Variants in TENM4 observed in about 807,000 individuals in gnomAD.
The protein encoded by TENM4 is teneurin-4.
TENM4 carries 82 observed loss-of-function variants against 243.3 expected under a neutral mutation model. That is an observed-to-expected ratio of 0.34 (90% CI 0.28 to 0.40). The LOEUF (loss-of-function observed/expected upper bound fraction) is 0.40, where lower values mean the gene tolerates loss of function less well. TENM4 is among the 10% of genes least tolerant of loss of function. The pLI, the probability that TENM4 is intolerant of heterozygous loss-of-function variation, is 1.00. For missense variants in TENM4, 3,138 were observed against 3,673.3 expected (o/e 0.85, Z 3.77); for synonymous variants, 1,412 against 1,456.3 (o/e 0.97, Z 0.69).
intron 1 of TENM4, among the ~76,000 whole-genome samples, chr11:79,336,838 C>A (rs1431079344): frequency 6.6e-6 from 1 of 152,196 alleles, no homozygotes; most frequent in African/African-American, 2.4e-5. Flanking sequence ...CCCAGGAGGC[C>A]CCCAGTTGCT....
At chr11:79,263,270 G>A (rs954272966) in intron 2 of TENM4, among the ~76,000 whole-genome samples, 1 of 152,214 alleles carries the variant, frequency 6.6e-6, no homozygotes, top group Non-Finnish European at 1.5e-5. Context: ...CAGAGACTTT[G>A]CTGGGCTGAG....
At chr11:78,659,795 G>T (rs761505553) in intron 33 of TENM4, among the ~76,000 whole-genome samples, 1 of 152,178 alleles carries the variant, frequency 6.6e-6, no homozygotes, top group Non-Finnish European at 1.5e-5. Flanking sequence ...TCATCTACCT[G>T]TCCCTTCTGT....
At chr11:79,437,372 C>G (rs923645299) in intron 1 of TENM4, among the ~76,000 whole-genome samples, 1 of 152,226 alleles carries the variant, frequency 6.6e-6, no homozygotes, top group Non-Finnish European at 1.5e-5. Context: ...GCGCCCGGAG[C>G]GCGCTGTGAG....
At position 79,238,549 on chromosome 11, in the gene TENM4, A is replaced by G. The variant is rs370858508; in HGVS notation, c.-264-22640T>C. On this transcript the variant is annotated intron_variant, in intron 2 of 33. Transcript: ENST00000278550. ...TATTACACTGGCTCCCCTGGTTCTCAGGCCTTAGGGTTTGGGCCAGAACTA... is the reference window on the plus strand; with the variant it reads ...TATTACACTGGCTCCCCTGGTTCTCGGGCCTTAGGGTTTGGGCCAGAACTA... 2.0e-5 allele frequency among the ~76,000 whole-genome samples: 3 copies of G among 152,150 alleles called. No homozygotes were observed. In the South Asian group the frequency reaches 6.2e-4, roughly 31 times the overall value.
chr11:79,368,702 C>T (rs549422534), intron 1 of TENM4, among the ~76,000 whole-genome samples: 1 of 152,204 alleles, frequency 6.6e-6, no homozygotes, highest in Non-Finnish European at 1.5e-5. Flanking sequence ...ATCATAACAG[C>T]ACCTACCCCA....
At chr11:79,039,428 A>G (rs1859464211) in intron 6 of TENM4, among the ~76,000 whole-genome samples, 1 of 152,234 alleles carries the variant, frequency 6.6e-6, no homozygotes. Flanking sequence ...AGACGCAGAA[A>G]GAAGCCAGTT....
chr11:78,860,799 G>C (rs529467402), intron 10 of TENM4, among the ~76,000 whole-genome samples: 24 of 152,278 alleles, frequency 1.6e-4, no homozygotes, highest in Non-Finnish European at 3.1e-4. Flanking sequence ...TTGCAAACAG[G>C]ATTTCCATTT....
intron 6 of TENM4, among the ~76,000 whole-genome samples, chr11:78,957,748 T>A (rs756190139): frequency 5.3e-5 from 8 of 152,130 alleles, no homozygotes; most frequent in Non-Finnish European, 1.2e-4. Flanking sequence ...GCATCCAAAG[T>A]TTGGCTCTGA....
At chr11:78,761,344 A>T (rs1265885761) in intron 18 of TENM4, among the ~76,000 whole-genome samples, 1 of 151,364 alleles carries the variant, frequency 6.6e-6, no homozygotes, top group Non-Finnish European at 1.5e-5. Context: ...GGTTCCCACC[A>T]TTCTCCTGCC....
intron 6 of TENM4, among the ~76,000 whole-genome samples, chr11:78,962,485 C>T (rs1370657228): frequency 6.7e-6 from 1 of 150,256 alleles, no homozygotes; most frequent in South Asian, 2.1e-4. Context: ...GGGCGATCTA[C>T]TGCACACGTG....
chr11:79,245,476 C>A (rs1430988470), intron 2 of TENM4, among the ~76,000 whole-genome samples: 3 of 152,212 alleles, frequency 2.0e-5, no homozygotes, highest in Non-Finnish European at 2.9e-5. Context: ...ACCTACTTAA[C>A]TGGGGGACCT....
At chr11:79,131,746 A>G (rs1403086809) in intron 4 of TENM4, among the ~76,000 whole-genome samples, 1 of 152,178 alleles carries the variant, frequency 6.6e-6, no homozygotes, top group Non-Finnish European at 1.5e-5. Flanking sequence ...AAAGATACAG[A>G]ACCGCAGGGT....
At chr11:78,706,739 T>C (rs1859260961) in intron 27 of TENM4, among the ~76,000 whole-genome samples, 2 of 152,206 alleles carry the variant, frequency 1.3e-5, no homozygotes, top group South Asian at 2.1e-4. Flanking sequence ...AATTTTCCGA[T>C]GTGTGGACTG....
At chr11:78,768,947 G>A (rs749689913) in intron 18 of TENM4, among the ~76,000 whole-genome samples, 1 of 152,240 alleles carries the variant, frequency 6.6e-6, no homozygotes, top group African/African-American at 2.4e-5. Context: ...TCATGGGAGA[G>A]AATCAATGAG....
chr11:78,673,242 C>A (rs748934540), intron 30 of TENM4, among the ~76,000 whole-genome samples: 12 of 152,100 alleles, frequency 7.9e-5, no homozygotes, highest in Non-Finnish European at 1.6e-4. Flanking sequence ...ACTTCAGGGG[C>A]CTGTTTCTGT....
chr11:79,231,911 C>T lies in TENM4; in HGVS notation c.-264-16002G>A, dbSNP rs139446054. Reference sequence around the variant, plus strand: ...CCTGGCCAACATGGTGAAACCCCGTCTCTACTAAAAATAGAAAAATTAGCC... The same window carrying T: ...CCTGGCCAACATGGTGAAACCCCGTTTCTACTAAAAATAGAAAAATTAGCC... On this transcript the variant is annotated intron_variant, in intron 2 of 33. Transcript: ENST00000278550. 1.2e-3 allele frequency among the ~76,000 whole-genome samples: 185 copies of T among 152,230 alleles called. 1 individual carries two copies. The East Asian group carries it at 0.029, about 24-fold the overall frequency.
rs960285754 is a variant in TENM4 at position 79,065,089 on chromosome 11, C to T, written c.224-82G>A. The T allele has an allele frequency of 6.4e-6, 9 of 1,417,262 alleles. No homozygotes were observed. In the African/African-American group the frequency reaches 1.0e-4, roughly 16 times the overall value. 87.8% of individuals were successfully genotyped at this position (1,417,262 alleles called of 1,614,324 possible). On this transcript the variant is annotated intron_variant, in intron 5 of 33. Transcript: ENST00000278550. The stretch of plus-strand genomic sequence containing the variant: ...CTCTGCCTGAAGCCTGGCCTTCTTA[C>T]CCCAGGGCTCACTGTCGTTCTTTGA...
At chr11:79,370,164 C>T (rs1857753835) in intron 1 of TENM4, among the ~76,000 whole-genome samples, 2 of 152,220 alleles carry the variant, frequency 1.3e-5, no homozygotes, top group African/African-American at 4.8e-5. Flanking sequence ...GAATAGAGGC[C>T]CCAGGTTCCC....
chr11:78,686,180 C>T (rs193181325), intron 29 of TENM4, among the ~76,000 whole-genome samples: 1 of 152,256 alleles, frequency 6.6e-6, no homozygotes, highest in Admixed American at 6.5e-5. Context: ...TGGGTCCGAT[C>T]ACATTTCTAC....
Sources: gnomAD v4.1 joint callset for allele counts (sites outside exome capture counted in the v4.1 genomes callset) on GRCh38, gnomAD v4.1.1 for gene constraint, MANE v1.5 for transcripts, NCBI Gene and HGNC (gene_info 2026-07-23, HGNC 2026-07-21) for gene names.